Variants in GOT1 observed in about 807,000 individuals in gnomAD.
GOT1 encodes the protein aspartate aminotransferase, cytoplasmic.
A neutral mutation model predicts 48.2 loss-of-function variants in GOT1; 25 were observed. That is an observed-to-expected ratio of 0.52 (90% CI 0.38 to 0.72). The LOEUF (loss-of-function observed/expected upper bound fraction) is 0.72. GOT1 is among the 30% of genes least tolerant of loss of function. The probability of loss-of-function intolerance (pLI) is 0.00; values close to 1 mark genes in which losing one functional copy is unlikely to be tolerated. For synonymous variants in GOT1, 188 were observed against 193.8 expected (o/e 0.97, Z 0.25); for missense variants, 380 against 520.1 (o/e 0.73, Z 2.62).
chr10:99,402,596 G>T lies in GOT1; in HGVS notation c.1086C>A (p.Ser362Arg). The T allele has an allele frequency of 6.2e-7, 1 of 1,614,212 alleles. No homozygotes were observed. The highest frequency in any genetic ancestry group is 8.5e-7 in the Non-Finnish European group (1 of 1,180,030). The change falls in exon 8 of 9, where the codon AGC becomes AGA. Residue 362 changes from serine (S) to arginine (R), a missense_variant. Ser to Arg is a moderately radical substitution (Grantham distance 110). Transcript: ENST00000370508. ...GCCACTTACGGTTCAACCCAGTGAA[G>T]CTGAACATGCCAATTTGATCAGTGA... ...NHITDQIGMF[S>R]FTGLNPKQVE...
intron 2 of GOT1, among the ~76,000 whole-genome samples, chr10:99,418,208 G>T (rs1320398428): frequency 6.6e-6 from 1 of 151,860 alleles, no homozygotes; most frequent in Non-Finnish European, 1.5e-5. Context: ...TTGTTTTATG[G>T]TCAAAAATAT....
At chr10:99,429,610 T>C (rs547421183) in intron 1 of GOT1, among the ~76,000 whole-genome samples, 25 of 152,154 alleles carry the variant, frequency 1.6e-4, no homozygotes, top group African/African-American at 5.8e-4. Flanking sequence ...AACATCCAAA[T>C]GATAGTGAGA....
chr10:99,404,767 C>A (rs2032731254), intron 5 of GOT1, among the ~76,000 whole-genome samples: 1 of 152,126 alleles, frequency 6.6e-6, no homozygotes, highest in Non-Finnish European at 1.5e-5. Flanking sequence ...AGAATAAAGT[C>A]CAAGCCTCAG....
chr10:99,406,623 G>T, intron 3 of GOT1, 103 bp downstream of exon 3: 1 of 1,168,314 alleles, frequency 8.6e-7, no homozygotes, highest in Non-Finnish European at 1.3e-6. Context: ...CCAACAGTCA[G>T]TTGTTCTAGG....
chr10:99,405,679 C>A, intron 5 of GOT1, 77 bp downstream of exon 5: 1 of 753,886 alleles, frequency 1.3e-6, no homozygotes. Flanking sequence ...CAGCAAACAG[C>A]AAACAGGTAT....
intron 2 of GOT1, among the ~76,000 whole-genome samples, chr10:99,417,969 G>A (rs1329585556): frequency 6.6e-6 from 1 of 151,806 alleles, no homozygotes; most frequent in Non-Finnish European, 1.5e-5. Flanking sequence ...GTTAATGGGT[G>A]CAGCACACCA....
Position 99,403,487 on chromosome 10 carries a change from G to C in GOT1, c.941C>G (p.Pro314Arg), listed in dbSNP as rs1408819267. 4 of 1,613,824 alleles carry C rather than the reference G, an allele frequency of 2.5e-6. No homozygotes were observed. In the African/African-American group the frequency reaches 4.0e-5, roughly 16 times the overall value. ...ARIVASTLSN[P>R]ELFEEWTGNV... ...CCCTTACCATTCCTCAAAGAGCTCA[G>C]GGTTAGAGAGGGTGCTGGCCACAAT... Residue 314 changes from proline to arginine, a missense_variant, in exon 7 of 9, where the codon CCT becomes CGT. By Grantham distance (103) the Pro-to-Arg change is moderately radical. Coordinates refer to ENST00000370508, the MANE Select transcript of GOT1 (RefSeq NM_002079.3).
chr10:99,405,510 C>T (rs1015053934), intron 5 of GOT1, among the ~76,000 whole-genome samples: 6 of 136,308 alleles, frequency 4.4e-5, no homozygotes, highest in Admixed American at 1.6e-4. Flanking sequence ...AAAACATATA[C>T]ATAAAACTAG....
At chr10:99,417,629 C>T (rs1159804155) in intron 2 of GOT1, among the ~76,000 whole-genome samples, 1 of 152,180 alleles carries the variant, frequency 6.6e-6, no homozygotes. Flanking sequence ...CACATGCATA[C>T]ATATGTTTAT....
chr10:99,424,274 A>C lies in GOT1; in HGVS notation c.119-3469T>G, dbSNP rs187552375. Among the ~76,000 whole-genome samples, 3 of 152,336 alleles carry C rather than the reference A, an allele frequency of 2.0e-5. No individual in the cohort carries two copies. In the East Asian group the frequency reaches 5.8e-4, roughly 29 times the overall value. On this transcript the variant is annotated intron_variant, in intron 1 of 8. Coordinates refer to ENST00000370508, the MANE Select transcript of GOT1 (RefSeq NM_002079.3). ...ATTATTTTTCGGGAATAGCATTTGC[A>C]TCATCTCCATTGAAAAGAGTGAGTG...
intron 2 of GOT1, among the ~76,000 whole-genome samples, chr10:99,413,922 C>A (rs1054572401): frequency 2.6e-5 from 4 of 152,170 alleles, no homozygotes; most frequent in African/African-American, 7.2e-5. Flanking sequence ...GCCTGCCCTA[C>A]AAGAGCTCCT....
Position 99,420,651 on chromosome 10 carries a change from A to G in GOT1, c.273T>C (p.Asp91=), listed in dbSNP as rs1400487676. The G allele has an allele frequency of 6.2e-7, 1 of 1,613,826 alleles. No individual in the cohort carries two copies. The highest frequency in any genetic ancestry group is 8.5e-7 in the Non-Finnish European group (1 of 1,179,856). Residue 91 remains aspartate, a synonymous_variant, in exon 2 of 9, where the codon GAT becomes GAC. Coordinates refer to ENST00000370508, the MANE Select transcript of GOT1 (RefSeq NM_002079.3). ...RSCASRLALG[D]DSPALKEKRV... ...GCTTCTCCTTGAGTGCTGGGCTGTC[A>G]TCCCCAAGGGCAAGACGAGAAGCAC...
intron 2 of GOT1, among the ~76,000 whole-genome samples, chr10:99,413,296 C>T (rs2134103018): frequency 6.6e-6 from 1 of 152,260 alleles, no homozygotes; most frequent in East Asian, 1.9e-4. Context: ...GACGAATGCA[C>T]AAGCTTCAGT....
At chr10:99,412,533 G>A (rs1014901903) in intron 2 of GOT1, among the ~76,000 whole-genome samples, 2 of 151,630 alleles carry the variant, frequency 1.3e-5, no homozygotes, top group Non-Finnish European at 2.9e-5. Context: ...CTCAGAGCTC[G>A]AACAAAAGGC....
At chr10:99,400,507 T>C (rs1375172525) in intron 8 of GOT1, among the ~76,000 whole-genome samples, 1 of 151,538 alleles carries the variant, frequency 6.6e-6, no homozygotes, top group Admixed American at 6.6e-5. Context: ...GCATGGTGGT[T>C]CACGCCTGTG....
intron 7 of GOT1, 29 bp downstream of exon 7, chr10:99,403,440 C>A (rs775933560): frequency 2.8e-5 from 45 of 1,587,490 alleles, no homozygotes; most frequent in East Asian, 4.5e-5. Context: ...CTCCCCACCC[C>A]CCGGCCCACC....
At chr10:99,398,011 C>T (rs574605662) in intron 8 of GOT1, among the ~76,000 whole-genome samples, 58 of 152,290 alleles carry the variant, frequency 3.8e-4, no homozygotes, top group African/African-American at 7.0e-4. Context: ...AACCATCAGA[C>T]GGACAGCGAT....
In GOT1 at chr10:99,405,698, C is replaced by A. The variant is rs74155514; in HGVS notation, c.642+58G>T. Reference sequence around the variant, plus strand: ...AAACAGCAAACAGGTATTGCTTCTACATACATTAAATAAGAATATATACTA... The same window carrying A: ...AAACAGCAAACAGGTATTGCTTCTAAATACATTAAATAAGAATATATACTA... On this transcript the variant is annotated intron_variant, in intron 5 of 8. Coordinates refer to ENST00000370508, the MANE Select transcript of GOT1 (RefSeq NM_002079.3). The A allele has an allele frequency of 5.8e-3, 4,996 of 855,574 alleles. 180 individuals are homozygous for A. The African/African-American group carries it at 0.073, about 13-fold the overall frequency. 53.0% of individuals were successfully genotyped at this position (855,574 alleles called of 1,614,324 possible).
chr10:99,416,754 G>A (rs992832550), intron 2 of GOT1, among the ~76,000 whole-genome samples: 2 of 152,146 alleles, frequency 1.3e-5, no homozygotes, highest in African/African-American at 4.8e-5. Context: ...GAACAGAACA[G>A]AGCCCTCAGA....
Sources: allele counts gnomAD v4.1 joint callset (sites outside exome capture counted in the v4.1 genomes callset), GRCh38; gene constraint gnomAD v4.1.1; transcripts MANE v1.5; gene names NCBI Gene and HGNC (gene_info 2026-07-23, HGNC 2026-07-21).